GALNT18: variants seen among roughly 807,000 people sequenced by gnomAD.
GALNT18 encodes GalNAc-transferase 18.
In GALNT18, 44 loss-of-function variants were observed where a neutral mutation model predicts 69.5. That is an observed-to-expected ratio of 0.63 (90% CI 0.50 to 0.81). The LOEUF is 0.81. GALNT18 is among the 40% of genes least tolerant of loss of function. The probability of loss-of-function intolerance (pLI) is 0.00; values close to 1 mark genes in which losing one functional copy is unlikely to be tolerated. For synonymous variants in GALNT18, 364 were observed against 318.2 expected (o/e 1.14, Z -1.53); for missense variants, 715 against 810.0 (o/e 0.88, Z 1.42).
At chr11:11,334,787 C>T (rs531802657) in intron 7 of GALNT18, among the ~76,000 whole-genome samples, 19 of 152,268 alleles carry the variant, frequency 1.2e-4, no homozygotes, top group South Asian at 4.1e-4. Context: ...TGCTGGACTC[C>T]GGCTCCTTAA....
Position 11,621,661 on chromosome 11 carries a change from C to A in GALNT18, c.-68G>T. ...TTGTCGTGCGCCCCGAACTCCCCCG[C>A]GCTCGCACCCCGTAGCACGTCCGGA... is the stretch of plus-strand genomic sequence containing the variant. On this transcript the variant is annotated 5_prime_UTR_variant, in exon 1 of 11. Transcript: ENST00000227756. The surrounding 1 kb of genome is among the most constrained non-coding windows in gnomAD (Gnocchi z 9.3). 1 of 1,221,914 alleles carries A rather than the reference C, an allele frequency of 8.2e-7. No homozygotes were observed. The highest frequency in any genetic ancestry group is 1.2e-6 in the Non-Finnish European group (1 of 859,902). 75.7% of individuals were successfully genotyped at this position (1,221,914 alleles called of 1,614,324 possible).
chr11:11,588,031 C>G (rs1159757720), intron 1 of GALNT18, among the ~76,000 whole-genome samples: 1 of 152,076 alleles, frequency 6.6e-6, no homozygotes, highest in African/African-American at 2.4e-5. Context: ...AACCCTTTCC[C>G]CAACTTTCTG....
chr11:11,496,093 G>A lies in GALNT18; in HGVS notation c.236-47157C>T, dbSNP rs1396008594. ...AACTTGTCTAAGGACACACAGCAAA[G>A]AATAAGAGCCAGGAGCTTCTTGTGT... On this transcript the variant is annotated intron_variant, in intron 1 of 10. Transcript: ENST00000227756. The surrounding 1 kb of genome is among the most constrained non-coding windows in gnomAD (Gnocchi z 4.0). 6.6e-6 allele frequency among the ~76,000 whole-genome samples: 1 copy of A among 152,218 alleles called. No homozygotes were observed. Among genetic ancestry groups the A allele is most frequent in the African/African-American group, 2.4e-5 (1 of 41,458 alleles).
intron 2 of GALNT18, among the ~76,000 whole-genome samples, chr11:11,441,312 T>G (rs915735884): frequency 6.6e-6 from 1 of 152,222 alleles, no homozygotes. Flanking sequence ...GTGTGTTCAA[T>G]TCAATGGCAA....
chr11:11,573,812 C>T lies in GALNT18; in HGVS notation c.235+47547G>A, dbSNP rs1858855056. Reference sequence around the variant, plus strand: ...GAGCGTCGACGGTGACTTCCCGAGGCTGGACGGCGATCCTTCCCACTGCAG... The same window carrying T: ...GAGCGTCGACGGTGACTTCCCGAGGTTGGACGGCGATCCTTCCCACTGCAG... On this transcript the variant is annotated intron_variant, in intron 1 of 10. Coordinates refer to ENST00000227756, the MANE Select transcript of GALNT18 (RefSeq NM_198516.3). This position sits in a 1 kb window ranked among gnomAD's most constrained non-coding sequence, Gnocchi z 4.6. 1 of 152,340 alleles carries T rather than the reference C, an allele frequency of 6.6e-6. No homozygotes were observed. Among genetic ancestry groups the T allele is most frequent in the Admixed American group, 6.5e-5 (1 of 15,284 alleles). The allele number at this position is 152,340 out of a possible 1,614,324, so 9.4% of individuals were successfully genotyped here. A position where few individuals can be genotyped will look rare whatever the true frequency, so the allele number is the denominator to read the frequency against.
At chr11:11,305,827 CT>C (rs1239320133) in intron 9 of GALNT18, among the ~76,000 whole-genome samples, 3 of 152,186 alleles carry the variant, frequency 2.0e-5, no homozygotes, top group Admixed American at 2.0e-4. Flanking sequence ...TAATGAACCT[CT>C]GCTTATTACA....
chr11:11,352,885 T>G, intron 6 of GALNT18: 1 of 1,614,188 alleles, frequency 6.2e-7, no homozygotes, highest in Non-Finnish European at 8.5e-7. Context: ...ATTTCACGCT[T>G]AATTTTCTTC....
At chr11:11,512,020 CAT>C (rs1432668489) in intron 1 of GALNT18, among the ~76,000 whole-genome samples, 4 of 152,206 alleles carry the variant, frequency 2.6e-5, no homozygotes, top group South Asian at 2.1e-4. Flanking sequence ...TACACACATA[CAT>C]ATGTTTACAT....
At chr11:11,560,633 G>A (rs1216999389) in intron 1 of GALNT18, among the ~76,000 whole-genome samples, 1 of 152,186 alleles carries the variant, frequency 6.6e-6, no homozygotes, top group Non-Finnish European at 1.5e-5. Context: ...CTGGCTACAG[G>A]CATCATGGCA....
chr11:11,575,022 A>G (rs917204552), intron 1 of GALNT18, among the ~76,000 whole-genome samples: 3 of 152,198 alleles, frequency 2.0e-5, no homozygotes, highest in Admixed American at 2.0e-4. Flanking sequence ...TGCCTGGCTG[A>G]GTACTGCTAC....
At chr11:11,380,559 C>A (rs770142250) in intron 3 of GALNT18, among the ~76,000 whole-genome samples, 6 of 152,190 alleles carry the variant, frequency 3.9e-5, no homozygotes, top group Non-Finnish European at 5.9e-5. Context: ...TCTAAAGTCA[C>A]AACAACTTTG....
At chr11:11,330,837 A>G (rs1295954185) in intron 8 of GALNT18, among the ~76,000 whole-genome samples, 6 of 152,214 alleles carry the variant, frequency 3.9e-5, no homozygotes, top group Admixed American at 3.9e-4. Context: ...TGCAGTGGCC[A>G]CATGTACACA....
chr11:11,596,993 T>C lies in GALNT18; in HGVS notation c.235+24366A>G, dbSNP rs191975530. Among the ~76,000 whole-genome samples the C allele has an allele frequency of 6.6e-6, 1 of 152,296 alleles. No individual in the cohort carries two copies. The highest frequency in any genetic ancestry group is 2.4e-5 in the African/African-American group (1 of 41,582). On this transcript the variant is annotated intron_variant, in intron 1 of 10. Coordinates refer to ENST00000227756, the MANE Select transcript of GALNT18 (RefSeq NM_198516.3). This position sits in a 1 kb window ranked among gnomAD's most constrained non-coding sequence, Gnocchi z 4.2. ...AAATTATCTTCAATTCCTAGTTTATTGAGTGTTTTCATCCAGAAAGGGTAG... is the reference window on the plus strand; with the variant it reads ...AAATTATCTTCAATTCCTAGTTTATCGAGTGTTTTCATCCAGAAAGGGTAG...
In GALNT18 at chr11:11,315,549, G is replaced by A. The variant is rs972637976; in HGVS notation, c.1512+11537C>T. Among the ~76,000 whole-genome samples the A allele has an allele frequency of 3.3e-5, 5 of 152,120 alleles. No individual in the cohort carries two copies. Among genetic ancestry groups the A allele is most frequent in the African/African-American group, 7.2e-5 (3 of 41,430 alleles). ...GTTTTCAGCCCAACTCTTAGCCTCC[G>A]ATGTCCCCTTTCTTCACCCGTGTAG... is the stretch of plus-strand genomic sequence containing the variant. On this transcript the variant is annotated intron_variant, in intron 9 of 10. Transcript: ENST00000227756. The surrounding 1 kb of genome is among the most constrained non-coding windows in gnomAD (Gnocchi z 5.6).
At chr11:11,414,739 C>T (rs1291787644) in intron 3 of GALNT18, among the ~76,000 whole-genome samples, 3 of 152,186 alleles carry the variant, frequency 2.0e-5, no homozygotes, top group African/African-American at 7.2e-5. Flanking sequence ...TCCCAGTGTA[C>T]AGCACACTGG....
At position 11,379,292 on chromosome 11, in the gene GALNT18, A is replaced by G. The variant is rs1284497345; in HGVS notation, c.596-28T>C. The G allele has an allele frequency of 5.0e-6, 8 of 1,599,768 alleles. No homozygotes were observed. The East Asian group carries it at 1.1e-4, about 22-fold the overall frequency. On this transcript the variant is annotated intron_variant, in intron 3 of 10. Transcript: ENST00000227756. The stretch of plus-strand genomic sequence containing the variant: ...GTCAGGGAGAAAATGCAGCCTTAGC[A>G]TGGGAGGGAGGTCAGGAGGCAGAGG...
intron 3 of GALNT18, among the ~76,000 whole-genome samples, chr11:11,397,465 T>C (rs1025008551): frequency 2.6e-5 from 4 of 152,126 alleles, no homozygotes; most frequent in Non-Finnish European, 5.9e-5. Flanking sequence ...GGAGAACTCT[T>C]GAGGACTTTT....
chr11:11,281,062 C>T (rs1849062481), intron 10 of GALNT18, among the ~76,000 whole-genome samples: 3 of 152,158 alleles, frequency 2.0e-5, no homozygotes, highest in African/African-American at 7.2e-5. Flanking sequence ...GTGGCCAGTT[C>T]CCTGGCCCCA....
chr11:11,585,556 A>C (rs1013579199), intron 1 of GALNT18, among the ~76,000 whole-genome samples: 1 of 151,972 alleles, frequency 6.6e-6, no homozygotes. Flanking sequence ...GGTTTCTTCC[A>C]TGTTGGTCAG....
Sources: allele counts gnomAD v4.1 joint callset (sites outside exome capture counted in the v4.1 genomes callset), GRCh38; gene constraint gnomAD v4.1.1; non-coding constraint Gnocchi (gnomAD v3.1); transcripts MANE v1.5; gene names NCBI Gene and HGNC (gene_info 2026-07-23, HGNC 2026-07-21).